MLLT3: variants seen among roughly 807,000 people sequenced by gnomAD.
MLLT3 encodes the protein MLLT3 super elongation complex subunit.
A neutral mutation model predicts 53.2 loss-of-function variants in MLLT3; 4 were observed. That is an observed-to-expected ratio of 0.08 (90% CI 0.04 to 0.17). The LOEUF (loss-of-function observed/expected upper bound fraction) is 0.17. Among genes scored for constraint, MLLT3 ranks in the 10% least tolerant of loss-of-function variants. The pLI, the probability that MLLT3 is intolerant of heterozygous loss-of-function variation, is 1.00. For synonymous variants in MLLT3, 283 were observed against 230.6 expected (o/e 1.23, Z -2.06); for missense variants, 569 against 684.0 (o/e 0.83, Z 1.87).
chr9:20,520,773 C>G (rs952814016), intron 2 of MLLT3, among the ~76,000 whole-genome samples: 20 of 152,082 alleles, frequency 1.3e-4, no homozygotes, highest in Admixed American at 9.8e-4. Flanking sequence ...AGGATAACAT[C>G]TTAAAGGCAC....
chr9:20,346,296 G>A lies in MLLT3; in HGVS notation c.*147C>T. 1.2e-6 allele frequency: 1 copy of A among 852,762 alleles called. No homozygotes were observed. Among genetic ancestry groups the A allele is most frequent in the South Asian group, 2.1e-5 (1 of 47,100 alleles). The allele number at this position is 852,762 out of a possible 1,614,324, so 52.8% of individuals were successfully genotyped here. ...GGCTTTAAAGAAAAATAAAGCTGAA[G>A]GTTGTTTGATTTTTATTTTTTCCCT... On this transcript the variant is annotated 3_prime_UTR_variant, in exon 11 of 11. Transcript: ENST00000380338.
chr9:20,593,098 A>G (rs1168779567), intron 2 of MLLT3, among the ~76,000 whole-genome samples: 2 of 152,224 alleles, frequency 1.3e-5, no homozygotes, highest in African/African-American at 4.8e-5. Context: ...AATTTACTAT[A>G]GCAGAAATTT....
At chr9:20,511,454 T>A (rs750341432) in intron 2 of MLLT3, among the ~76,000 whole-genome samples, 4 of 152,200 alleles carry the variant, frequency 2.6e-5, no homozygotes, top group Non-Finnish European at 5.9e-5. Context: ...CAAGCTGGAA[T>A]CTTTACAGTA....
At chr9:20,590,887 G>A (rs117027906) in intron 2 of MLLT3, among the ~76,000 whole-genome samples, 4,110 of 150,674 alleles carry the variant, frequency 0.027, 96 homozygotes, top group Non-Finnish European at 0.043. Context: ...TGATGGACAT[G>A]CATCACCATA....
chr9:20,437,261 C>G (rs2118827821), intron 4 of MLLT3, among the ~76,000 whole-genome samples: 1 of 152,226 alleles, frequency 6.6e-6, no homozygotes, highest in East Asian at 1.9e-4. Flanking sequence ...CATTCACATT[C>G]TATGTTGCTC....
In MLLT3 at chr9:20,585,130, G is replaced by C. The variant is rs12005395; in HGVS notation, c.193+35524C>G. 2.0e-5 allele frequency among the ~76,000 whole-genome samples: 3 copies of C among 152,142 alleles called. No individual in the cohort carries two copies. The South Asian group carries it at 6.2e-4, about 32-fold the overall frequency. ...GTAATTTGTTTCTCACAGTTTTGGA[G>C]GCTGGAAAGTCCAAAATAAAGGGGC... On this transcript the variant is annotated intron_variant, in intron 2 of 10. Transcript: ENST00000380338.
At chr9:20,584,746 G>A (rs1819904511) in intron 2 of MLLT3, among the ~76,000 whole-genome samples, 1 of 152,188 alleles carries the variant, frequency 6.6e-6, no homozygotes, top group African/African-American at 2.4e-5. Context: ...AAACACGTGG[G>A]AACTCTGGGA....
chr9:20,475,213 C>A (rs948498612), intron 2 of MLLT3, among the ~76,000 whole-genome samples: 1 of 152,086 alleles, frequency 6.6e-6, no homozygotes, highest in African/African-American at 2.4e-5. Context: ...AACTCAAATA[C>A]AGCAGAAATG....
intron 2 of MLLT3, among the ~76,000 whole-genome samples, chr9:20,552,608 A>C (rs1818952137): frequency 6.6e-6 from 1 of 152,156 alleles, no homozygotes; most frequent in South Asian, 2.1e-4. Flanking sequence ...TAGGTGTGAT[A>C]ATAAAGACGA....
intron 2 of MLLT3, among the ~76,000 whole-genome samples, chr9:20,554,548 CAAT>C (rs1393393446): frequency 1.3e-5 from 2 of 152,038 alleles, no homozygotes; most frequent in Admixed American, 6.5e-5. Flanking sequence ...ATCAATGAAA[CAAT>C]ATTATAAATT....
chr9:20,383,896 G>A (rs1821966260), intron 5 of MLLT3, among the ~76,000 whole-genome samples: 1 of 151,926 alleles, frequency 6.6e-6, no homozygotes, highest in Admixed American at 6.6e-5. Flanking sequence ...AAACAAAGAT[G>A]AGAATTAAAA....
At chr9:20,546,832 T>C (rs1012599198) in intron 2 of MLLT3, among the ~76,000 whole-genome samples, 5 of 152,332 alleles carry the variant, frequency 3.3e-5, no homozygotes, top group African/African-American at 1.2e-4. Context: ...TGAACGAAGG[T>C]TGCCAGGTGG....
At chr9:20,500,463 G>T (rs1825193822) in intron 2 of MLLT3, among the ~76,000 whole-genome samples, 1 of 152,144 alleles carries the variant, frequency 6.6e-6, no homozygotes, top group South Asian at 2.1e-4. Context: ...GCTTCAAAAA[G>T]AAAAGACAAA....
intron 2 of MLLT3, among the ~76,000 whole-genome samples, chr9:20,463,060 C>G (rs1423308507): frequency 6.6e-6 from 1 of 151,958 alleles, no homozygotes; most frequent in East Asian, 1.9e-4. Context: ...AAATTCATGT[C>G]AAAAGTCCAT....
At chr9:20,514,781 A>G (rs1163411134) in intron 2 of MLLT3, among the ~76,000 whole-genome samples, 1 of 152,080 alleles carries the variant, frequency 6.6e-6, no homozygotes, top group East Asian at 1.9e-4. Flanking sequence ...CTCTCGATTA[A>G]ATCATTACCT....
At chr9:20,551,731 T>C (rs575109870) in intron 2 of MLLT3, among the ~76,000 whole-genome samples, 1 of 152,192 alleles carries the variant, frequency 6.6e-6, no homozygotes, top group South Asian at 2.1e-4. Flanking sequence ...TTCCATAAAT[T>C]CCCAATGATG....
At position 20,456,743 on chromosome 9, in the gene MLLT3, A is replaced by G; in HGVS notation, c.237T>C (p.Ala79=). The G allele has an allele frequency of 6.2e-7, 1 of 1,607,016 alleles. No homozygotes were observed. Among genetic ancestry groups the G allele is most frequent in the South Asian group, 1.1e-5 (1 of 88,902 alleles). The change falls in exon 3 of 11, where the codon GCT becomes GCC. Residue 79 remains alanine (A), a synonymous_variant. Transcript: ENST00000380338. The part of the protein sequence containing the change: ...PPYKVEESGY[A]GFILPIEVYF... ...AAACTTCAATTGGCAAAATGAAACC[A>G]GCATACCCAGATTCTTCTACTTTGT...
At chr9:20,536,180 A>AAACAT (rs1252163464) in intron 2 of MLLT3, among the ~76,000 whole-genome samples, 1 of 150,024 alleles carries the variant, frequency 6.7e-6, no homozygotes, top group Non-Finnish European at 1.5e-5. Context: ...TTTAAAAACA[A>AAACAT]AACAAAACAA....
At position 20,586,014 on chromosome 9, in the gene MLLT3, C is replaced by G. The variant is rs561554129; in HGVS notation, c.193+34640G>C. On this transcript the variant is annotated intron_variant, in intron 2 of 10. Transcript: ENST00000380338. ...GGCTGCTGACTTTTCAACCAGAAAG[C>G]CTCTTAAAGAGAATAAATATAGGCC... 2.6e-5 allele frequency among the ~76,000 whole-genome samples: 4 copies of G among 152,200 alleles called. No homozygotes were observed. The South Asian group carries it at 8.3e-4, about 32-fold the overall frequency.
Sources: allele counts gnomAD v4.1 joint callset (sites outside exome capture counted in the v4.1 genomes callset), GRCh38; gene constraint gnomAD v4.1.1; transcripts MANE v1.5; gene names NCBI Gene and HGNC (gene_info 2026-07-23, HGNC 2026-07-21).